Variants in ICOS observed in about 807,000 individuals in gnomAD.
The protein encoded by ICOS is inducible T cell costimulator.
In ICOS, 15 loss-of-function variants were observed where a neutral mutation model predicts 24.6. The observed-to-expected ratio is 0.61, with a 90% CI of 0.41 to 0.94. The LOEUF (loss-of-function observed/expected upper bound fraction) is 0.94, where lower values mean the gene tolerates loss of function less well. Ranked by LOEUF, ICOS falls within the 40% of genes least tolerant of loss-of-function variation. The probability of loss-of-function intolerance (pLI) is 0.00; values close to 1 mark genes in which losing one functional copy is unlikely to be tolerated. For synonymous variants in ICOS, 89 were observed against 77.5 expected (o/e 1.15, Z -0.78); for missense variants, 200 against 233.0 (o/e 0.86, Z 0.92).
Position 203,959,597 on chromosome 2 carries a change from T to G in ICOS, c.598T>G (p.Ter200GluextTer32). ...AATTTTTGTTACAGATGTGACCCTA[T>G]AATATGGAACTCTGGCACCCAGGCA... ...KKSRLTDVTL[*>E] The change falls in exon 5 of 5, where the codon TAA (stop) becomes GAA (glutamate). Residue 200 changes from the stop codon to glutamate, a stop_lost. Transcript: ENST00000316386. 3 of 1,613,288 alleles carry G rather than the reference T, an allele frequency of 1.9e-6. No homozygotes were observed. The highest frequency in any genetic ancestry group is 2.5e-6 in the Non-Finnish European group (3 of 1,179,326).
At chr2:203,954,667 G>T (rs1158768011) in intron 1 of ICOS, among the ~76,000 whole-genome samples, 2 of 151,652 alleles carry the variant, frequency 1.3e-5, no homozygotes, top group Non-Finnish European at 2.9e-5. Context: ...ATCAGGCCTT[G>T]ATTCAGTTCT....
intron 1 of ICOS, among the ~76,000 whole-genome samples, chr2:203,953,934 A>G (rs1312146417): frequency 6.6e-6 from 1 of 152,210 alleles, no homozygotes; most frequent in East Asian, 1.9e-4. Context: ...TGCAAGATAA[A>G]GAGCAAAAAT....
intron 1 of ICOS, among the ~76,000 whole-genome samples, chr2:203,952,611 A>G (rs1690004646): frequency 6.6e-6 from 1 of 152,134 alleles, no homozygotes; most frequent in South Asian, 2.1e-4. Flanking sequence ...CTGCTGGTTC[A>G]CCAATTTTCT....
intron 1 of ICOS, among the ~76,000 whole-genome samples, chr2:203,949,299 T>C (rs545033121): frequency 6.6e-6 from 1 of 152,354 alleles, no homozygotes; most frequent in East Asian, 1.9e-4. Context: ...GTGACCACTG[T>C]CTAGCTTCCT....
rs1690101282 is a variant in ICOS at position 203,957,715 on chromosome 2, T to C, written c.502-84T>C. 4 of 1,050,036 alleles carry C rather than the reference T, an allele frequency of 3.8e-6. No individual in the cohort carries two copies. The Admixed American group carries it at 5.2e-5, about 14-fold the overall frequency. 65.0% of individuals were successfully genotyped at this position (1,050,036 alleles called of 1,614,324 possible). A position where few individuals can be genotyped will look rare whatever the true frequency, so the allele number is the denominator to read the frequency against. On this transcript the variant is annotated intron_variant, in intron 3 of 4. Transcript: ENST00000316386. ...TTATCATGTTTTTGTCACATACCAC[T>C]TCAACAAAGAATAGAAAACAGTCAA...
At chr2:203,948,598 C>A (rs1162252158) in intron 1 of ICOS, among the ~76,000 whole-genome samples, 1 of 152,196 alleles carries the variant, frequency 6.6e-6, no homozygotes, top group Non-Finnish European at 1.5e-5. Context: ...ATAAGACCAA[C>A]AAGGTCCCTG....
chr2:203,947,465 C>A (rs950517579), intron 1 of ICOS, among the ~76,000 whole-genome samples: 1 of 152,168 alleles, frequency 6.6e-6, no homozygotes, highest in Admixed American at 6.5e-5. Flanking sequence ...CACACCACCA[C>A]GCCCAGCTAA....
At chr2:203,944,016 G>T (rs894951275) in intron 1 of ICOS, among the ~76,000 whole-genome samples, 2 of 152,144 alleles carry the variant, frequency 1.3e-5, no homozygotes, top group Non-Finnish European at 2.9e-5. Flanking sequence ...CCCCAAGTCT[G>T]TTTCCAGGCA....
At chr2:203,943,074 A>G (rs1181333534) in intron 1 of ICOS, among the ~76,000 whole-genome samples, 1 of 151,652 alleles carries the variant, frequency 6.6e-6, no homozygotes, top group Non-Finnish European at 1.5e-5. Context: ...CATTTTTTGC[A>G]TTTCCTTGCA....
intron 1 of ICOS, among the ~76,000 whole-genome samples, chr2:203,951,061 C>CAA (rs533323850): frequency 0.02 from 2,452 of 119,724 alleles, 73 homozygotes; most frequent in African/African-American, 0.07. Flanking sequence ...GACTCCATCT[C>CAA]AAAAAAAAAA....
chr2:203,957,236 G>A (rs1690093191), intron 3 of ICOS, among the ~76,000 whole-genome samples: 1 of 152,172 alleles, frequency 6.6e-6, no homozygotes, highest in Admixed American at 6.5e-5. Flanking sequence ...CTTCTAAGGT[G>A]TCAATTGTAG....
intron 1 of ICOS, among the ~76,000 whole-genome samples, chr2:203,943,534 T>C (rs1378517569): frequency 6.6e-6 from 1 of 152,220 alleles, no homozygotes; most frequent in Non-Finnish European, 1.5e-5. Context: ...CAGCCATGGA[T>C]ACCAGTGCTG....
Position 203,956,717 on chromosome 2 carries a change from TGTA to T in ICOS, c.456_458del (p.Val153del). On this transcript the variant is annotated inframe_deletion, in exon 3 of 5. Transcript: ENST00000316386. ...TACCCATAGGATGTGCAGCCTTTGT[TGTA>T]GTCTGCATTTTGGGATGCATACTTA... 5 of 1,613,614 alleles carry T rather than the reference TGTA, an allele frequency of 3.1e-6. No homozygotes were observed. Among genetic ancestry groups the T allele is most frequent in the Non-Finnish European group, 3.4e-6 (4 of 1,179,560 alleles).
chr2:203,949,514 T>C (rs1371312846), intron 1 of ICOS, among the ~76,000 whole-genome samples: 1 of 152,232 alleles, frequency 6.6e-6, no homozygotes, highest in African/African-American at 2.4e-5. Flanking sequence ...GGTTGAATCA[T>C]GTTACAGGAA....
At chr2:203,949,634 A>G (rs1689935245) in intron 1 of ICOS, among the ~76,000 whole-genome samples, 1 of 152,232 alleles carries the variant, frequency 6.6e-6, no homozygotes, top group South Asian at 2.1e-4. Context: ...AGCATATCAA[A>G]GATAGTATGA....
Position 203,936,855 on chromosome 2 carries a change from G to T in ICOS, c.41G>T (p.Arg14Leu). ...TGGTATTTCTTTCTCTTCTGCTTGC[G>T]CATTAAAGTTTTAACAGGTAAGTGG... Reference protein sequence around the residue: ...GLWYFFLFCLRIKVLTGEING... With the variant: ...GLWYFFLFCLLIKVLTGEING... The change falls in exon 1 of 5, where the codon CGC becomes CTC. Residue 14 changes from arginine (R) to leucine (L), a missense_variant. Physicochemically the swap from Arg to Leu is moderately radical, Grantham distance 102. Transcript: ENST00000316386. 1.2e-6 allele frequency: 2 copies of T among 1,610,300 alleles called. No homozygotes were observed. The highest frequency in any genetic ancestry group is 1.7e-6 in the Non-Finnish European group (2 of 1,177,238).
chr2:203,950,390 A>G (rs1293205411), intron 1 of ICOS, among the ~76,000 whole-genome samples: 3 of 152,084 alleles, frequency 2.0e-5, no homozygotes, highest in Admixed American at 1.3e-4. Flanking sequence ...ATAACCTATT[A>G]ATCTGTTAAC....
intron 1 of ICOS, among the ~76,000 whole-genome samples, chr2:203,950,178 G>A (rs1249797533): frequency 1.3e-5 from 2 of 152,198 alleles, no homozygotes; most frequent in Admixed American, 1.3e-4. Flanking sequence ...CTGGAGGCTG[G>A]GGCCTAAGTC....
intron 1 of ICOS, among the ~76,000 whole-genome samples, chr2:203,939,281 A>G (rs1173360259): frequency 1.3e-5 from 2 of 152,142 alleles, no homozygotes; most frequent in Non-Finnish European, 2.9e-5. Flanking sequence ...GATTCTGATC[A>G]CCTTTGTTAT....
Sources: gnomAD v4.1 joint callset for allele counts (sites outside exome capture counted in the v4.1 genomes callset) on GRCh38, gnomAD v4.1.1 for gene constraint, MANE v1.5 for transcripts, NCBI Gene and HGNC (gene_info 2026-07-23, HGNC 2026-07-21) for gene names.